The following SERPINB2 variants were observed in gnomAD, a reference collection of about 807,000 sequenced individuals.
SERPINB2 encodes serpin family B member 2.
A neutral mutation model predicts 39.4 loss-of-function variants in SERPINB2; 28 were observed. The ratio of observed to expected loss-of-function variants is 0.71; its 90% CI spans 0.53 to 0.97. The LOEUF (loss-of-function observed/expected upper bound fraction) is 0.97, where lower values mean the gene tolerates loss of function less well. Among genes scored for constraint, SERPINB2 ranks in the 50% least tolerant of loss-of-function variants. The pLI is 0.00. For synonymous variants in SERPINB2, 209 were observed against 175.1 expected (o/e 1.19, Z -1.53); for missense variants, 557 against 505.3 (o/e 1.10, Z -0.98).
In SERPINB2 at chr18:63,897,738, A is replaced by T. The variant is rs1382270530; in HGVS notation, c.429A>T (p.Arg143=). ...TTCTTGCTTTAAAGGAATATATTCG[A>T]CTCTGTCAGAAATATTACTCCTCAG... ...KSASFREEYI[R]LCQKYYSSEP... The change falls in exon 5 of 8, where the codon CGA becomes CGT. Residue 143 remains arginine (R), a synonymous_variant. Coordinates refer to ENST00000299502, the MANE Select transcript of SERPINB2 (RefSeq NM_002575.3). 5.0e-6 allele frequency: 8 copies of T among 1,602,660 alleles called. No individual in the cohort carries two copies. The highest frequency in any genetic ancestry group is 6.0e-6 in the Non-Finnish European group (7 of 1,170,068).
chr18:63,902,390 T>C lies in SERPINB2; in HGVS notation c.679-14T>C. On this transcript the variant is annotated splice_polypyrimidine_tract_variant and intron_variant, in intron 6 of 7. Coordinates refer to ENST00000299502, the MANE Select transcript of SERPINB2 (RefSeq NM_002575.3). ...TATAATCGACTTCCATATTTTACCT[T>C]TTAATAATATTAGGCTCAGCGCACA... 6.5e-7 allele frequency: 1 copy of C among 1,534,012 alleles called. No homozygotes were observed. Among genetic ancestry groups the C allele is most frequent in the Non-Finnish European group, 8.8e-7 (1 of 1,139,478 alleles).
chr18:63,901,837 A>T lies in SERPINB2; in HGVS notation c.633A>T (p.Pro211=). 17 of 1,603,580 alleles carry T rather than the reference A, an allele frequency of 1.1e-5. No individual in the cohort carries two copies. Among genetic ancestry groups the T allele is most frequent in the Non-Finnish European group, 1.4e-5 (17 of 1,177,164 alleles). ...AVYFKGKWKT[P]FEKKLNGLYP... ...ACTTCAAAGGAAAGTGGAAAACTCC[A>T]TTTGAGAAGAAACTAAATGGGCTTT... The change falls in exon 6 of 8, where the codon CCA becomes CCT. Residue 211 remains proline, a synonymous_variant. Coordinates refer to ENST00000299502, the MANE Select transcript of SERPINB2 (RefSeq NM_002575.3).
chr18:63,894,931 G>A (rs574725859), intron 2 of SERPINB2, among the ~76,000 whole-genome samples: 45 of 152,048 alleles, frequency 3.0e-4, no homozygotes, highest in Admixed American at 2.5e-3. Flanking sequence ...TAAAATACTG[G>A]CATTTTTTTT....
At chr18:63,896,407 A>AATGGGTATCT (rs2049959636) in intron 3 of SERPINB2, among the ~76,000 whole-genome samples, 1 of 151,804 alleles carries the variant, frequency 6.6e-6, no homozygotes. Context: ...TGCCCCATAA[A>AATGGGTATCT]ATAGGTATCT....
At chr18:63,897,298 A>T (rs2278179) in intron 4 of SERPINB2, 79 bp downstream of exon 4, 361,758 of 1,511,452 alleles carry the variant, frequency 0.24, 46,007 homozygotes, top group East Asian at 0.41. Flanking sequence ...TCTACAATTC[A>T]ACAGTTCATA....
Position 63,897,021 on chromosome 18 carries a change from C to T in SERPINB2, c.289-70C>T, listed in dbSNP as rs2049963523. 11 of 1,432,902 alleles carry T rather than the reference C, an allele frequency of 7.7e-6. No homozygotes were observed. The East Asian group carries it at 2.4e-4, about 31-fold the overall frequency. 88.8% of individuals were successfully genotyped at this position (1,432,902 alleles called of 1,614,324 possible). A position where few individuals can be genotyped will look rare whatever the true frequency, so the allele number is the denominator to read the frequency against. On this transcript the variant is annotated intron_variant, in intron 3 of 7. Transcript: ENST00000299502. The stretch of plus-strand genomic sequence containing the variant: ...TCATGATTGTATTCAAAAACTATTA[C>T]CATGGCTTAAGAACTATCTTGTTTA...
chr18:63,893,223 C>T (rs572335892), intron 2 of SERPINB2, among the ~76,000 whole-genome samples: 110 of 152,210 alleles, frequency 7.2e-4, no homozygotes, highest in Non-Finnish European at 1.2e-3. Context: ...CCAGTGCACC[C>T]GGCCTAGGTT....
intron 5 of SERPINB2, among the ~76,000 whole-genome samples, chr18:63,901,216 C>T (rs1312805775): frequency 1.3e-5 from 2 of 152,062 alleles, no homozygotes; most frequent in Admixed American, 6.6e-5. Context: ...TGAATGTCTC[C>T]CCCAGTGTTC....
intron 6 of SERPINB2, 129 bp downstream of exon 6, chr18:63,902,011 G>A: frequency 2.3e-6 from 2 of 879,592 alleles, no homozygotes; most frequent in Non-Finnish European, 1.7e-6. Context: ...ACAGTTGATT[G>A]ACTCTTTAGA....
At chr18:63,894,425 G>A (rs2049945950) in intron 2 of SERPINB2, among the ~76,000 whole-genome samples, 1 of 152,126 alleles carries the variant, frequency 6.6e-6, no homozygotes, top group Admixed American at 6.5e-5. Context: ...AACTTCATTA[G>A]CAGAACCCCA....
Position 63,901,761 on chromosome 18 carries a change from C to G in SERPINB2, c.557C>G (p.Pro186Arg). The change falls in exon 6 of 8, where the codon CCT (proline) becomes CGT (arginine). Residue 186 changes from proline (P) to arginine (R), a missense_variant. Pro to Arg is a moderately radical substitution (Grantham distance 103, BLOSUM62 -2). Coordinates refer to ENST00000299502, the MANE Select transcript of SERPINB2 (RefSeq NM_002575.3). ...GTAGGCAAAATCCCAAACTTGTTACCTGAAGGTTCTGTAGATGGGGATACC... is the reference window on the plus strand; with the variant it reads ...GTAGGCAAAATCCCAAACTTGTTACGTGAAGGTTCTGTAGATGGGGATACC... The part of the protein sequence containing the change: ...QTKGKIPNLL[P>R]EGSVDGDTRM... The G allele has an allele frequency of 1.9e-6, 3 of 1,557,304 alleles. No homozygotes were observed. The highest frequency in any genetic ancestry group is 2.6e-6 in the Non-Finnish European group (3 of 1,162,622).
intron 5 of SERPINB2, among the ~76,000 whole-genome samples, chr18:63,900,523 G>C (rs2049984988): frequency 6.6e-6 from 1 of 152,178 alleles, no homozygotes; most frequent in Non-Finnish European, 1.5e-5. Flanking sequence ...GCACTGTGCT[G>C]AGAGGCACAG....
In SERPINB2 at chr18:63,895,290, C is replaced by A; in HGVS notation, c.195C>A (p.Ala65=). The A allele has an allele frequency of 6.2e-7, 1 of 1,613,960 alleles. No homozygotes were observed. Among genetic ancestry groups the A allele is most frequent in the South Asian group, 1.1e-5 (1 of 91,042 alleles). Residue 65 remains alanine, a synonymous_variant, in exon 3 of 8, where the codon GCC becomes GCA. Coordinates refer to ENST00000299502, the MANE Select transcript of SERPINB2 (RefSeq NM_002575.3). The stretch of plus-strand genomic sequence containing the variant: ...TGCTTCAGTTTAATGAAGTGGGAGC[C>A]AATGCAGTTACCCCCATGACTCCAG... ...AKVLQFNEVG[A]NAVTPMTPEN... is the part of the protein sequence containing the mutation.
chr18:63,890,769 G>A (rs1199047919), intron 1 of SERPINB2: 3 of 152,250 alleles, frequency 2.0e-5, no homozygotes, highest in Admixed American at 6.5e-5. Context: ...GCTGTGGTAT[G>A]TGTGGTGCAT....
chr18:63,895,530 A>C, intron 3 of SERPINB2, 147 bp downstream of exon 3: 1 of 1,048,134 alleles, frequency 9.5e-7, no homozygotes, highest in Non-Finnish European at 1.4e-6. Context: ...ATTAAGAAAA[A>C]CATGTCCTAA....
intron 7 of SERPINB2, 143 bp downstream of exon 7, chr18:63,902,711 TTTCA>T: frequency 3.7e-6 from 4 of 1,068,424 alleles, no homozygotes; most frequent in Non-Finnish European, 4.0e-6. Flanking sequence ...TGCCTCTACA[TTTCA>T]TTCAAAGCCT....
intron 6 of SERPINB2, among the ~76,000 whole-genome samples, chr18:63,902,173 T>C (rs2049995706): frequency 6.6e-6 from 1 of 152,186 alleles, no homozygotes; most frequent in South Asian, 2.1e-4. Context: ...GTTTTAGAAT[T>C]ATGGTTGTCA....
intron 1 of SERPINB2, among the ~76,000 whole-genome samples, chr18:63,888,275 A>G (rs574725674): frequency 6.6e-6 from 1 of 152,342 alleles, no homozygotes; most frequent in East Asian, 1.9e-4. Flanking sequence ...TAGTACAACA[A>G]TATGTTTATT....
intron 5 of SERPINB2, among the ~76,000 whole-genome samples, chr18:63,899,000 C>A (rs2049977063): frequency 6.6e-6 from 1 of 152,184 alleles, no homozygotes; most frequent in Admixed American, 6.5e-5. Flanking sequence ...AGGTCTCATT[C>A]TTTACCTTGA....
Sources: allele counts gnomAD v4.1 joint callset (sites outside exome capture counted in the v4.1 genomes callset), GRCh38; gene constraint gnomAD v4.1.1; transcripts MANE v1.5; gene names NCBI Gene and HGNC (gene_info 2026-07-23, HGNC 2026-07-21).